MYL3: variants seen among roughly 807,000 people sequenced by gnomAD.
MYL3 encodes the protein CMLC1.
A neutral mutation model predicts 21.3 loss-of-function variants in MYL3; 11 were observed. The observed-to-expected ratio is 0.52, with a 90% confidence interval of 0.32 to 0.85. The LOEUF (loss-of-function observed/expected upper bound fraction) is 0.85. Among genes scored for constraint, MYL3 ranks in the 40% least tolerant of loss-of-function variants. The probability of loss-of-function intolerance (pLI) is 0.03; values close to 1 mark genes in which losing one functional copy is unlikely to be tolerated. For missense variants in MYL3, 206 were observed against 253.3 expected (o/e 0.81, Z 1.27); for synonymous variants, 88 against 91.6 (o/e 0.96, Z 0.22).
intron 1 of MYL3, among the ~76,000 whole-genome samples, chr3:46,878,122 C>T (rs957324878): frequency 1.2e-4 from 19 of 152,210 alleles, no homozygotes; most frequent in Admixed American, 1.2e-3. Context: ...CCCCCATCGC[C>T]CCTCCCTTCA....
At chr3:46,869,552 C>T (rs569934991) in intron 1 of MYL3, among the ~76,000 whole-genome samples, 18 of 152,296 alleles carry the variant, frequency 1.2e-4, no homozygotes, top group South Asian at 8.3e-4. Context: ...TGTGACTGGA[C>T]GGGTGTGGAT....
At chr3:46,871,848 G>A (rs1040235797) in intron 1 of MYL3, among the ~76,000 whole-genome samples, 3 of 152,204 alleles carry the variant, frequency 2.0e-5, no homozygotes, top group Admixed American at 1.3e-4. Context: ...TCTGGAGCTC[G>A]GTTGGATGAG....
At position 46,859,414 on chromosome 3, in the gene MYL3, G is replaced by C; in HGVS notation, c.481+61C>G. The stretch of plus-strand genomic sequence containing the variant: ...TGGGTCACAGGCCTGGGGGGCAACA[G>C]AGTGGTTTCTCCCAGGATGTCCCTG... On this transcript the variant is annotated intron_variant, in intron 4 of 6. Coordinates refer to ENST00000292327, the MANE Select transcript of MYL3 (RefSeq NM_000258.3). The surrounding 1 kb of genome is among the most constrained non-coding windows in gnomAD (Gnocchi z 4.1). The C allele has an allele frequency of 6.2e-7, 1 of 1,604,618 alleles. No homozygotes were observed. Among genetic ancestry groups the C allele is most frequent in the Non-Finnish European group, 8.5e-7 (1 of 1,172,672 alleles).
chr3:46,866,145 T>C (rs1008221836), upstream of MYL3, among the ~76,000 whole-genome samples: 4 of 151,870 alleles, frequency 2.6e-5, no homozygotes, highest in South Asian at 8.3e-4. Flanking sequence ...CAGTTGGCGG[T>C]AAGAACAGGC....
upstream of MYL3, among the ~76,000 whole-genome samples, chr3:46,865,712 A>G (rs1234861788): frequency 6.6e-6 from 1 of 152,190 alleles, no homozygotes; most frequent in Non-Finnish European, 1.5e-5. The surrounding 1 kb of genome is among the most constrained non-coding windows in gnomAD (Gnocchi z 4.3). Flanking sequence ...TGGGATGGGC[A>G]GGCTCATGCA....
Position 46,878,740 on chromosome 3 carries a change from A to T in MYL3, c.-218+3334T>A, listed in dbSNP as rs1247789082. Among the ~76,000 whole-genome samples the T allele has an allele frequency of 3.9e-4, 59 of 151,966 alleles. 2 individuals are homozygous for T. The highest frequency in any genetic ancestry group is 3.8e-3 in the Admixed American group (58 of 15,272). On this transcript the variant is annotated intron_variant, in intron 1 of 3. Coordinates refer to the MYL3 transcript ENST00000431168. ...GTGTACCTTGGCCAGAGCCCTACTC[A>T]CGGTGGGATGGCTGCAGCAGAGGCC...
chr3:46,868,338 C>T (rs1183233294), upstream of MYL3, among the ~76,000 whole-genome samples: 1 of 152,180 alleles, frequency 6.6e-6, no homozygotes, highest in Non-Finnish European at 1.5e-5. Context: ...GCCCCTGAGT[C>T]CCAGCCCATC....
rs1390485854 is a variant in MYL3, at chr3:46,858,429, A to G, written c.514T>C (p.Leu172=). Residue 172 remains leucine, a synonymous_variant, in exon 5 of 7, where the codon TTG becomes CTG. Coordinates refer to ENST00000292327, the MANE Select transcript of MYL3 (RefSeq NM_000258.3). ...TTGGAGTCCTCTTGCCCAGCCATCA[A>G]CTTCTCCACTTCGTCTTCTGTCAGC... ...ERLTEDEVEK[L]MAGQEDSNGC... The G allele has an allele frequency of 1.2e-6, 2 of 1,613,738 alleles. No homozygotes were observed. The highest frequency in any genetic ancestry group is 1.7e-6 in the Non-Finnish European group (2 of 1,179,958).
upstream of MYL3, among the ~76,000 whole-genome samples, chr3:46,865,950 A>G (rs939019341): frequency 7.9e-5 from 12 of 152,110 alleles, no homozygotes; most frequent in Non-Finnish European, 1.6e-4. This position sits in a 1 kb window ranked among gnomAD's most constrained non-coding sequence, Gnocchi z 4.3. Flanking sequence ...TGGGAACAAC[A>G]GTGCCCCAGG....
chr3:46,858,864 G>A (rs533503069), intron 4 of MYL3, among the ~76,000 whole-genome samples: 24 of 152,224 alleles, frequency 1.6e-4, no homozygotes, highest in South Asian at 6.2e-4. Flanking sequence ...TCCTGCCTCC[G>A]TACTTCTGTG....
intron 1 of MYL3, among the ~76,000 whole-genome samples, chr3:46,875,232 C>T (rs955330013): frequency 1.3e-5 from 2 of 152,316 alleles, no homozygotes; most frequent in Non-Finnish European, 2.9e-5. Context: ...GGTAACAACA[C>T]GCAACACTGA....
chr3:46,879,383 C>G lies in MYL3; in HGVS notation c.-218+2691G>C, dbSNP rs1202871872. ...CCCTCCATTAATGTTCTTTTCTCAT[C>G]ACCAAGGGGGAAAGCAGGGTGGAAG... On this transcript the variant is annotated intron_variant, in intron 1 of 3. Coordinates refer to the MYL3 transcript ENST00000431168. This position sits in a 1 kb window ranked among gnomAD's most constrained non-coding sequence, Gnocchi z 4.7. Among the ~76,000 whole-genome samples the G allele has an allele frequency of 6.6e-6, 1 of 152,208 alleles. No homozygotes were observed. The highest frequency in any genetic ancestry group is 1.5e-5 in the Non-Finnish European group (1 of 68,032).
At position 46,874,499 on chromosome 3, in the gene MYL3, C is replaced by T. The variant is rs1466736058; in HGVS notation, c.-218+7575G>A. On this transcript the variant is annotated intron_variant, in intron 1 of 3. Transcript: ENST00000431168. The surrounding 1 kb of genome is among the most constrained non-coding windows in gnomAD (Gnocchi z 4.1). ...GGCAAGGACCCAGTGTCTGAGCTAA[C>T]CCCCTCCCCACCACCTCCTCCTTCC... 6.6e-6 allele frequency among the ~76,000 whole-genome samples: 1 copy of T among 152,168 alleles called. No individual in the cohort carries two copies. The highest frequency in any genetic ancestry group is 1.5e-5 in the Non-Finnish European group (1 of 68,032).
intron 1 of MYL3, among the ~76,000 whole-genome samples, chr3:46,877,379 G>T (rs2030285767): frequency 6.6e-6 from 1 of 152,216 alleles, no homozygotes; most frequent in Non-Finnish European, 1.5e-5. Context: ...CATACCTCGT[G>T]GCAGCCTGAT....
At chr3:46,864,639 G>A (rs998634843), upstream of MYL3, among the ~76,000 whole-genome samples, 1 of 152,110 alleles carries the variant, frequency 6.6e-6, no homozygotes, top group South Asian at 2.1e-4. This position sits in a 1 kb window ranked among gnomAD's most constrained non-coding sequence, Gnocchi z 4.7. Flanking sequence ...GACCCTTTTG[G>A]CAGGGGCTCT....
At chr3:46,880,885 G>A (rs34188610) in intron 1 of MYL3, among the ~76,000 whole-genome samples, 10,103 of 152,266 alleles carry the variant, frequency 0.066, 696 homozygotes, top group African/African-American at 0.18. Flanking sequence ...ACTTGGGCTT[G>A]ACAGATTTGC....
At chr3:46,858,931 C>G (rs528227424) in intron 4 of MYL3, among the ~76,000 whole-genome samples, 1 of 152,254 alleles carries the variant, frequency 6.6e-6, no homozygotes, top group Non-Finnish European at 1.5e-5. Flanking sequence ...TTACCCCCAC[C>G]TTTAGACACA....
At chr3:46,872,353 G>A (rs1181820229) in intron 1 of MYL3, among the ~76,000 whole-genome samples, 2 of 152,190 alleles carry the variant, frequency 1.3e-5, no homozygotes, top group African/African-American at 2.4e-5. Context: ...CATCCAAAGG[G>A]AGGCCCTGCC....
intron 1 of MYL3, among the ~76,000 whole-genome samples, chr3:46,870,071 G>C (rs148816465): frequency 9.9e-5 from 15 of 152,188 alleles, no homozygotes; most frequent in Admixed American, 2.0e-4. Context: ...TCAGAAACAG[G>C]GGGGAGAGAG....
Sources: gnomAD v4.1 joint callset for allele counts (sites outside exome capture counted in the v4.1 genomes callset) on GRCh38, gnomAD v4.1.1 for gene constraint, Gnocchi (gnomAD v3.1) non-coding constraint, MANE v1.5 for transcripts, NCBI Gene and HGNC (gene_info 2026-07-23, HGNC 2026-07-21) for gene names.